MLLT1: variants seen among roughly 807,000 people sequenced by gnomAD.
The protein encoded by MLLT1 is MLLT1 super elongation complex subunit.
MLLT1 carries 11 observed loss-of-function variants against 55.1 expected under a neutral mutation model. That is an observed-to-expected ratio of 0.20 (90% CI 0.13 to 0.33). MLLT1 has a LOEUF of 0.33. Among genes scored for constraint, MLLT1 ranks in the 10% least tolerant of loss-of-function variants. MLLT1 has a pLI of 1.00. For missense variants in MLLT1, 536 were observed against 760.6 expected, an observed-to-expected ratio of 0.70 and a Z score of 3.47; for synonymous variants, 323 against 320.1, an observed-to-expected ratio of 1.01 and a Z score of -0.10.
chr19:6,245,210 T>G (rs1400850699), intron 3 of MLLT1, among the ~76,000 whole-genome samples: 1 of 135,062 alleles, frequency 7.4e-6, no homozygotes, highest in African/African-American at 3.4e-5. Flanking sequence ...CTTTTTTTCC[T>G]TTCTTTCTTT....
chr19:6,268,079 G>GA (rs1309514514), intron 2 of MLLT1, among the ~76,000 whole-genome samples: 3 of 152,212 alleles, frequency 2.0e-5, no homozygotes, highest in Admixed American at 6.5e-5. Flanking sequence ...GTGCTAAGGA[G>GA]AAAACCAAAG....
rs377744259 is a variant in MLLT1, at chr19:6,211,700, A to G, written c.*1342T>C. On this transcript the variant is annotated 3_prime_UTR_variant, in exon 12 of 12. Transcript: ENST00000252674. This position sits in a 1 kb window ranked among gnomAD's most constrained non-coding sequence, Gnocchi z 4.6. ...AGAGGACTGGAGGCGCCTCGAGTCAATGTCTGGGAAACAGAGGCTAACCAG... is the reference window on the plus strand; with the variant it reads ...AGAGGACTGGAGGCGCCTCGAGTCAGTGTCTGGGAAACAGAGGCTAACCAG... 2.0e-5 allele frequency: 21 copies of G among 1,063,880 alleles called. No homozygotes were observed. The African/African-American group carries it at 3.1e-4, about 16-fold the overall frequency. The allele number at this position is 1,063,880 out of a possible 1,614,324, so 65.9% of individuals were successfully genotyped here.
At chr19:6,221,690 G>C (rs1470221286) in intron 6 of MLLT1, among the ~76,000 whole-genome samples, 3 of 152,352 alleles carry the variant, frequency 2.0e-5, no homozygotes, top group African/African-American at 7.2e-5. Context: ...CTCCAGACAA[G>C]GGTGAGTCTC....
intron 1 of MLLT1, among the ~76,000 whole-genome samples, chr19:6,275,551 C>T (rs1389594183): frequency 6.6e-6 from 1 of 152,204 alleles, no homozygotes; most frequent in Non-Finnish European, 1.5e-5. Flanking sequence ...ACAGGTGCCC[C>T]TCTGTGACAG....
intron 3 of MLLT1, among the ~76,000 whole-genome samples, chr19:6,245,272 T>A (rs1486963794): frequency 2.1e-5 from 3 of 140,174 alleles, no homozygotes; most frequent in Admixed American, 2.1e-4. Flanking sequence ...TTTTTTTTTT[T>A]AAAGAGATGG....
intron 2 of MLLT1, among the ~76,000 whole-genome samples, chr19:6,269,113 C>A (rs2091372881): frequency 6.6e-6 from 1 of 152,232 alleles, no homozygotes; most frequent in Non-Finnish European, 1.5e-5. Flanking sequence ...CAGGCTCCTG[C>A]TCTGCCAACG....
chr19:6,246,683 C>T (rs1381696247), intron 3 of MLLT1, among the ~76,000 whole-genome samples: 2 of 151,968 alleles, frequency 1.3e-5, no homozygotes, highest in South Asian at 2.1e-4. Flanking sequence ...GTGGGGGAGG[C>T]AGAGTCCCGG....
chr19:6,268,831 C>CA (rs778101136), intron 2 of MLLT1, among the ~76,000 whole-genome samples: 1 of 152,058 alleles, frequency 6.6e-6, no homozygotes, highest in Non-Finnish European at 1.5e-5. Flanking sequence ...ACACGACAAA[C>CA]AAAAAACAAA....
chr19:6,225,765 C>T (rs2090950918), intron 5 of MLLT1, among the ~76,000 whole-genome samples: 1 of 152,204 alleles, frequency 6.6e-6, no homozygotes, highest in Non-Finnish European at 1.5e-5. Context: ...AGACGCAGCC[C>T]CGCCAGCCCC....
In MLLT1 at chr19:6,222,470, G is replaced by A. The variant is rs1259908275; in HGVS notation, c.761C>T (p.Pro254Leu). The A allele has an allele frequency of 6.3e-7, 1 of 1,588,738 alleles. No homozygotes were observed. The highest frequency in any genetic ancestry group is 8.5e-7 in the Non-Finnish European group (1 of 1,173,174). Residue 254 changes from proline to leucine, a missense_variant, in exon 6 of 12, where the codon CCC (proline) becomes CTC (leucine). Around this residue, in one of 3 missense-constraint regions of MLLT1, gnomAD observed 449 missense variants for 489.0 expected, o/e 0.92. Transcript: ENST00000252674. The surrounding 1 kb of genome is among the most constrained non-coding windows in gnomAD (Gnocchi z 4.1). Reference protein sequence around the residue: ...APPPKAAFKEPKMALKETKLE... With the variant: ...APPPKAAFKELKMALKETKLE... ...CTTGGTCTCTTTCAGGGCCATCTTG[G>A]GTTCCTTGAAGGCAGCCTTGGGCGG...
rs2091253968 is a variant in MLLT1, at chr19:6,255,981, G to A, written c.276+6247C>T. 3.3e-5 allele frequency among the ~76,000 whole-genome samples: 5 copies of A among 152,078 alleles called. No homozygotes were observed. In the South Asian group the frequency reaches 1.0e-3, roughly 31 times the overall value. On this transcript the variant is annotated intron_variant, in intron 3 of 11. Transcript: ENST00000252674. ...CACCTGTAATCCCAGCACTTTGGGA[G>A]GCCGAGGCAGGTAGATCACCTGAGG...
chr19:6,230,594 C>A lies in MLLT1; in HGVS notation c.396G>T (p.Arg132=). 3 of 1,613,692 alleles carry A rather than the reference C, an allele frequency of 1.9e-6. No homozygotes were observed. Among genetic ancestry groups the A allele is most frequent in the Non-Finnish European group, 2.5e-6 (3 of 1,179,974 alleles). Residue 132 remains arginine (R), a synonymous_variant, in exon 4 of 12, where the codon CGG becomes CGT. Transcript: ENST00000252674. This position sits in a 1 kb window ranked among gnomAD's most constrained non-coding sequence, Gnocchi z 9.0. ...LTFNNPTTEF[R]YKLLRAGGVM... Reference sequence around the variant, plus strand: ...CCCCGCCGGCCCGCAGGAGCTTGTACCGGAACTCCGTGGTGGGGTTGTTGA... The same window carrying A: ...CCCCGCCGGCCCGCAGGAGCTTGTAACGGAACTCCGTGGTGGGGTTGTTGA...
intron 3 of MLLT1, among the ~76,000 whole-genome samples, chr19:6,238,953 G>A (rs997769076): frequency 2.0e-5 from 3 of 152,238 alleles, no homozygotes; most frequent in Non-Finnish European, 4.4e-5. Context: ...GCCTTACCCC[G>A]CCACGCCTTA....
At chr19:6,249,112 G>A (rs2091193872) in intron 3 of MLLT1, among the ~76,000 whole-genome samples, 1 of 152,062 alleles carries the variant, frequency 6.6e-6, no homozygotes, top group Non-Finnish European at 1.5e-5. Context: ...GAGACGTGCA[G>A]CAAGTATAAT....
rs577835650 is a variant in MLLT1 at position 6,240,257 on chromosome 19, C to T, written c.277-9544G>A. ...CCACACATGTGCTCAGGGCCTGCAG[C>T]CCCATGTGAAACAGCGAAAGCCAGC... is the stretch of plus-strand genomic sequence containing the variant. On this transcript the variant is annotated intron_variant, in intron 3 of 11. Coordinates refer to ENST00000252674, the MANE Select transcript of MLLT1 (RefSeq NM_005934.4). The surrounding 1 kb of genome is among the most constrained non-coding windows in gnomAD (Gnocchi z 4.7). Among the ~76,000 whole-genome samples the T allele has an allele frequency of 6.6e-6, 1 of 152,370 alleles. No individual in the cohort carries two copies. Among genetic ancestry groups the T allele is most frequent in the East Asian group, 1.9e-4 (1 of 5,190 alleles).
At chr19:6,249,008 T>C (rs1222526465) in intron 3 of MLLT1, among the ~76,000 whole-genome samples, 1 of 152,202 alleles carries the variant, frequency 6.6e-6, no homozygotes, top group East Asian at 1.9e-4. Flanking sequence ...CTGGAGCAGC[T>C]TGGGTGTGTG....
chr19:6,213,837 C>T, intron 9 of MLLT1, 40 bp from the exon 10 acceptor site: 4 of 1,603,682 alleles, frequency 2.5e-6, no homozygotes, highest in South Asian at 1.1e-5. Context: ...GTGGCCCACA[C>T]CCTCCCCAGC....
rs147664683 is a variant in MLLT1, at chr19:6,279,189, G to C, written c.12+584C>G. ...AGGGGGCCGGGGACGCCTCATATCT[G>C]AGCTGAGGTTGAAGGGAAGACAGAC... On this transcript the variant is annotated intron_variant, in intron 1 of 11. Coordinates refer to ENST00000252674, the MANE Select transcript of MLLT1 (RefSeq NM_005934.4). Among the ~76,000 whole-genome samples, 885 of 152,202 alleles carry C rather than the reference G, an allele frequency of 5.8e-3. 5 individuals carry two copies. The highest frequency in any genetic ancestry group is 0.03 in the South Asian group (145 of 4,814).
Position 6,212,395 on chromosome 19 carries a change from G to T in MLLT1, c.*647C>A. ...ACCGCAGAGACATCTTAACCTACAA[G>T]CCCCACCGTACGCACCCCCCACCCA... On this transcript the variant is annotated 3_prime_UTR_variant, in exon 12 of 12. Coordinates refer to ENST00000252674, the MANE Select transcript of MLLT1 (RefSeq NM_005934.4). 1 of 1,066,074 alleles carries T rather than the reference G, an allele frequency of 9.4e-7. No homozygotes were observed. The highest frequency in any genetic ancestry group is 1.6e-5 in the African/African-American group (1 of 61,188). The allele number at this position is 1,066,074 out of a possible 1,614,324, so 66.0% of individuals were successfully genotyped here.
Sources: gnomAD v4.1 joint callset for allele counts (sites outside exome capture counted in the v4.1 genomes callset) on GRCh38, gnomAD v4.1.1 for gene constraint, gnomAD v4.1.1 regional missense constraint, Gnocchi (gnomAD v3.1) non-coding constraint, MANE v1.5 for transcripts, NCBI Gene and HGNC (gene_info 2026-07-23, HGNC 2026-07-21) for gene names.